Variants in RPAP3 observed in about 807,000 individuals in gnomAD.
The protein encoded by RPAP3 is RNA polymerase II associated protein 3.
RPAP3 carries 58 observed loss-of-function variants against 88.8 expected under a neutral mutation model. The ratio of observed to expected loss-of-function variants is 0.65; its 90% CI spans 0.53 to 0.81. The LOEUF (loss-of-function observed/expected upper bound fraction) is 0.81. RPAP3 is among the 40% of genes least tolerant of loss of function. The pLI is 0.00. For synonymous variants in RPAP3, 255 were observed against 259.9 expected (o/e 0.98, Z 0.18); for missense variants, 751 against 764.3 (o/e 0.98, Z 0.20).
chr12:47,689,768 G>A (rs1175504516), intron 6 of RPAP3, among the ~76,000 whole-genome samples: 3 of 152,070 alleles, frequency 2.0e-5, no homozygotes, highest in East Asian at 1.9e-4. Context: ...CAGGCCGGGC[G>A]CAGTGGCTCA....
intron 5 of RPAP3, among the ~76,000 whole-genome samples, chr12:47,691,137 C>G (rs773402705): frequency 2.6e-5 from 4 of 152,150 alleles, no homozygotes; most frequent in Non-Finnish European, 5.9e-5. Context: ...ATTTACATAA[C>G]AGAACTTCTT....
intron 1 of RPAP3, among the ~76,000 whole-genome samples, chr12:47,704,243 GA>G (rs1183673696): frequency 6.6e-6 from 1 of 152,190 alleles, no homozygotes; most frequent in Non-Finnish European, 1.5e-5. Context: ...ACAGTTGGGA[GA>G]AAAACCTAGA....
chr12:47,704,213 A>T (rs1162538439), intron 1 of RPAP3, among the ~76,000 whole-genome samples: 1 of 152,184 alleles, frequency 6.6e-6, no homozygotes, highest in South Asian at 2.1e-4. Flanking sequence ...AGGAAGAAAA[A>T]AGTAGGCAGT....
chr12:47,683,465 A>G (rs1393849554), intron 9 of RPAP3, among the ~76,000 whole-genome samples: 1 of 152,206 alleles, frequency 6.6e-6, no homozygotes, highest in East Asian at 1.9e-4. Flanking sequence ...TAGAATATAA[A>G]TGTTTAGGAA....
chr12:47,700,291 C>T (rs1939631427), intron 3 of RPAP3: 2 of 152,068 alleles, frequency 1.3e-5, no homozygotes, highest in Admixed American at 1.3e-4. Context: ...ACAGTGGTTA[C>T]CTCTGGGAGT....
At position 47,697,502 on chromosome 12, in the gene RPAP3, A is replaced by G. The variant is rs572702173; in HGVS notation, c.417+95T>C. ...GCCAAAAACAACATAAAGTTTAAAC[A>G]CGTACTAAAACTATGCTCAAGAAAC... is the stretch of plus-strand genomic sequence containing the variant. On this transcript the variant is annotated intron_variant, in intron 4 of 16. Transcript: ENST00000005386. The G allele has an allele frequency of 5.2e-6, 6 of 1,165,010 alleles. No homozygotes were observed. The African/African-American group carries it at 9.5e-5, about 18-fold the overall frequency. 72.2% of individuals were successfully genotyped at this position (1,165,010 alleles called of 1,614,324 possible).
At chr12:47,664,101 G>A (rs560434870) in intron 16 of RPAP3, among the ~76,000 whole-genome samples, 28 of 152,258 alleles carry the variant, frequency 1.8e-4, no homozygotes, top group Non-Finnish European at 1.9e-4. Flanking sequence ...TTAAAAATAA[G>A]ATCATGGGCC....
chr12:47,683,728 T>A (rs1198053374), intron 9 of RPAP3, among the ~76,000 whole-genome samples: 1 of 152,116 alleles, frequency 6.6e-6, no homozygotes, highest in Admixed American at 6.6e-5. Context: ...TAATCAAAAA[T>A]AGAATAAAAA....
chr12:47,667,337 C>CT (rs1938897310), intron 15 of RPAP3, among the ~76,000 whole-genome samples: 2 of 152,118 alleles, frequency 1.3e-5, no homozygotes, highest in African/African-American at 4.8e-5. Context: ...CTTTTCTCTA[C>CT]AAAAAAATTA....
intron 9 of RPAP3, among the ~76,000 whole-genome samples, chr12:47,683,578 G>A (rs566719393): frequency 6.6e-6 from 1 of 152,164 alleles, no homozygotes; most frequent in Admixed American, 6.5e-5. Flanking sequence ...TGCCACAGAG[G>A]TAGACGATTA....
At chr12:47,688,134 G>T in intron 7 of RPAP3, 133 bp from the exon 8 acceptor site, 2 of 779,804 alleles carry the variant, frequency 2.6e-6, no homozygotes, top group Non-Finnish European at 3.6e-6. Flanking sequence ...AACATTTTCT[G>T]CTCTAATTCA....
intron 12 of RPAP3, among the ~76,000 whole-genome samples, chr12:47,675,925 A>T (rs1387937378): frequency 6.6e-6 from 1 of 152,210 alleles, no homozygotes; most frequent in Admixed American, 6.5e-5. Flanking sequence ...TCTCCACCCT[A>T]AATCAACAGA....
intron 5 of RPAP3, among the ~76,000 whole-genome samples, chr12:47,691,785 C>T (rs1176988373): frequency 6.6e-6 from 1 of 151,384 alleles, no homozygotes; most frequent in Non-Finnish European, 1.5e-5. Flanking sequence ...CTTGCTCTGT[C>T]GCCCAGGCTG....
intron 10 of RPAP3, 39 bp from the exon 11 acceptor site, chr12:47,679,813 A>T: frequency 1.4e-6 from 2 of 1,388,484 alleles, no homozygotes; most frequent in Non-Finnish European, 2.0e-6. Context: ...ACATAGTTAA[A>T]ATGTGGAGTT....
At position 47,702,775 on chromosome 12, in the gene RPAP3, T is replaced by C. The variant is rs747245634; in HGVS notation, c.66A>G (p.Gln22=). 9.3e-6 allele frequency: 15 copies of C among 1,612,892 alleles called. No individual in the cohort carries two copies. Among genetic ancestry groups the C allele is most frequent in the Non-Finnish European group, 1.2e-5 (14 of 1,179,174 alleles). The stretch of plus-strand genomic sequence containing the variant: ...AGTTTTCTAAATCCCGCATAAAGTC[T>C]TGTAATTCTTCTGCATTTTGTTTCA... ...LQVKQNAEEL[Q]DFMRDLENWE... The change falls in exon 2 of 17, where the codon CAA becomes CAG. Residue 22 remains glutamine (Q), a synonymous_variant. Transcript: ENST00000005386.
chr12:47,680,884 T>C (rs556628374), intron 10 of RPAP3, among the ~76,000 whole-genome samples: 1 of 148,444 alleles, frequency 6.7e-6, no homozygotes, highest in Admixed American at 6.8e-5. Flanking sequence ...CTTCAGTTTG[T>C]AGGATGGCAG....
chr12:47,669,301 C>T (rs1277303660), intron 13 of RPAP3, among the ~76,000 whole-genome samples, 199 bp from the exon 14 acceptor site: 2 of 152,144 alleles, frequency 1.3e-5, no homozygotes, highest in Non-Finnish European at 2.9e-5. Context: ...CAAATTTTCA[C>T]ATGCTGGCTA....
chr12:47,668,545 G>A (rs571575972), intron 14 of RPAP3, among the ~76,000 whole-genome samples: 87 of 152,186 alleles, frequency 5.7e-4, no homozygotes, highest in African/African-American at 2.1e-3. Context: ...AAATTTCATG[G>A]GATTTGATTC....
intron 12 of RPAP3, among the ~76,000 whole-genome samples, chr12:47,675,005 G>C (rs144682566): frequency 1.2e-4 from 18 of 152,250 alleles, no homozygotes; most frequent in African/African-American, 3.6e-4. Flanking sequence ...GAGAAAGGTC[G>C]AGTTATCCAC....
Sources: allele counts gnomAD v4.1 joint callset (sites outside exome capture counted in the v4.1 genomes callset), GRCh38; gene constraint gnomAD v4.1.1; transcripts MANE v1.5; gene names NCBI Gene and HGNC (gene_info 2026-07-23, HGNC 2026-07-21).